CSTPP1: variants seen among roughly 807,000 people sequenced by gnomAD.
CSTPP1 encodes the protein UPF0705 protein C11orf49.
At chr11:47,089,665 A>G in the CSTPP1 span, among the ~76,000 whole-genome samples, 1 of 152,234 alleles carries the variant, frequency 6.6e-6, no homozygotes, top group Non-Finnish European at 1.5e-5. Flanking sequence ...CTGAGGAGCC[A>G]GGATTTACAG....
the CSTPP1 span, among the ~76,000 whole-genome samples, chr11:46,957,203 G>C: frequency 3.0e-4 from 45 of 152,076 alleles, no homozygotes; most frequent in East Asian, 7.7e-3. Context: ...AGTCTGGCCT[G>C]GTTGCTCTCT....
At chr11:46,941,450 G>A in the CSTPP1 span, among the ~76,000 whole-genome samples, 1 of 151,932 alleles carries the variant, frequency 6.6e-6, no homozygotes, top group South Asian at 2.1e-4. Flanking sequence ...AGTGATTCTC[G>A]TGTCTCAGCC....
chr11:47,086,041 T>G, the CSTPP1 span, among the ~76,000 whole-genome samples: 9 of 151,736 alleles, frequency 5.9e-5, no homozygotes, highest in Non-Finnish European at 1.2e-4. Flanking sequence ...GGAGGTCACT[T>G]CAGCAGACTT....
the CSTPP1 span, chr11:47,162,022 G>A: frequency 5.2e-3 from 5,263 of 1,009,488 alleles, 207 homozygotes; most frequent in African/African-American, 0.08. Flanking sequence ...GGGAGAACCC[G>A]AATAGCCACG....
the CSTPP1 span, among the ~76,000 whole-genome samples, chr11:47,045,495 A>G: frequency 3.9e-5 from 6 of 152,224 alleles, no homozygotes; most frequent in South Asian, 1.0e-3. Flanking sequence ...GTTTGAATCC[A>G]TGGGGTGCTA....
chr11:46,946,418 G>A, the CSTPP1 span, among the ~76,000 whole-genome samples: 11 of 152,200 alleles, frequency 7.2e-5, no homozygotes, highest in African/African-American at 4.8e-5. Context: ...CAGCACTTTG[G>A]GAGGCCAAGG....
At chr11:47,121,199 G>A in the CSTPP1 span, among the ~76,000 whole-genome samples, 1 of 152,166 alleles carries the variant, frequency 6.6e-6, no homozygotes, top group Admixed American at 6.5e-5. Flanking sequence ...AGGTCATGTA[G>A]TTAATGCCTA....
At chr11:46,993,144 G>A in the CSTPP1 span, among the ~76,000 whole-genome samples, 3 of 152,138 alleles carry the variant, frequency 2.0e-5, no homozygotes, top group African/African-American at 7.2e-5. Context: ...GTAGCCCTTT[G>A]TCAGATGGGT....
At chr11:47,019,616 C>T in the CSTPP1 span, among the ~76,000 whole-genome samples, 36 of 152,168 alleles carry the variant, frequency 2.4e-4, no homozygotes, top group Middle Eastern at 6.8e-3. Context: ...CAGAACATAA[C>T]GACATTTATT....
At chr11:47,068,826 C>T in the CSTPP1 span, among the ~76,000 whole-genome samples, 1 of 152,138 alleles carries the variant, frequency 6.6e-6, no homozygotes, top group African/African-American at 2.4e-5. Flanking sequence ...TCTGTCTTCT[C>T]ATCCAGTATA....
the CSTPP1 span, among the ~76,000 whole-genome samples, chr11:46,977,500 A>G: frequency 6.6e-6 from 1 of 152,164 alleles, no homozygotes; most frequent in East Asian, 1.9e-4. Context: ...TTTATTTTTT[A>G]TTAATGCAAA....
chr11:47,155,662 A>T, the CSTPP1 span: 31 of 216,116 alleles, frequency 1.4e-4, 1 homozygote, highest in Middle Eastern at 3.9e-3. Flanking sequence ...AAGCTCACAG[A>T]AGTAGTAGCC....
the CSTPP1 span, chr11:47,162,283 G>A: frequency 1.0e-6 from 1 of 984,118 alleles, no homozygotes; most frequent in Non-Finnish European, 1.2e-6. Flanking sequence ...GAGGGGAGAA[G>A]GGAGAGGGGG....
At chr11:47,016,397 C>CAAAAAAAAAAAAAAAAAAAAAA in the CSTPP1 span, among the ~76,000 whole-genome samples, 2 of 74,692 alleles carry the variant, frequency 2.7e-5, no homozygotes, top group Non-Finnish European at 5.5e-5. Flanking sequence ...CTACAAAAAA[C>CAAAAAAAAAAAAAAAAAAAAAA]AAAAAACAAA....
At chr11:47,119,071 G>C in the CSTPP1 span, among the ~76,000 whole-genome samples, 1 of 152,260 alleles carries the variant, frequency 6.6e-6, no homozygotes, top group African/African-American at 2.4e-5. Context: ...CAGAGGTGGA[G>C]TTAGAGGCAG....
the CSTPP1 span, among the ~76,000 whole-genome samples, chr11:47,084,434 T>C: frequency 6.6e-6 from 1 of 152,198 alleles, no homozygotes; most frequent in Non-Finnish European, 1.5e-5. Flanking sequence ...TAATGCCTTC[T>C]GGGTCCAGTC....
chr11:47,144,110 T>G, the CSTPP1 span, among the ~76,000 whole-genome samples: 3 of 152,308 alleles, frequency 2.0e-5, no homozygotes, highest in Admixed American at 2.0e-4. Context: ...TAATAGTAAC[T>G]AACTCATAGG....
At chr11:47,126,803 G>A in the CSTPP1 span, among the ~76,000 whole-genome samples, 1 of 151,610 alleles carries the variant, frequency 6.6e-6, no homozygotes, top group Non-Finnish European at 1.5e-5. Flanking sequence ...GTGGTGGTGT[G>A]TGACTGTGGT....
At chr11:47,153,300 C>CT in the CSTPP1 span, among the ~76,000 whole-genome samples, 3 of 152,228 alleles carry the variant, frequency 2.0e-5, no homozygotes, top group Non-Finnish European at 4.4e-5. Flanking sequence ...AGCGGCACTG[C>CT]TTCTTCCCGC....
Sources: allele counts gnomAD v4.1 joint callset (sites outside exome capture counted in the v4.1 genomes callset), GRCh38; gene constraint gnomAD v4.1.1; transcripts MANE v1.5; gene names NCBI Gene and HGNC (gene_info 2026-07-23, HGNC 2026-07-21).